Variants in CHRNE observed in about 807,000 individuals in gnomAD.
The protein encoded by CHRNE is acetylcholine receptor subunit epsilon.
In CHRNE, 58 loss-of-function variants were observed where a neutral mutation model predicts 56.5. The observed-to-expected ratio is 1.03, with a 90% CI of 0.83 to 1.28. The LOEUF (loss-of-function observed/expected upper bound fraction) is 1.28. Among genes scored for constraint, CHRNE ranks in the 50% most tolerant of loss-of-function variants. CHRNE has a pLI of 0.00. For missense variants in CHRNE, 793 were observed against 688.9 expected (o/e 1.15, Z -1.69); for synonymous variants, 385 against 297.9 (o/e 1.29, Z -3.01).
rs1157836847 is a variant in CHRNE, at chr17:4,898,839, C to T, written c.1379G>A (p.Trp460Ter). 6.3e-7 allele frequency: 1 copy of T among 1,596,094 alleles called. No individual in the cohort carries two copies. The highest frequency in any genetic ancestry group is 8.5e-7 in the Non-Finnish European group (1 of 1,172,208). Residue 460 changes from tryptophan (W) to a stop codon, truncating the protein, a stop_gained, in exon 12 of 12, where the codon TGG becomes TAG. Coordinates refer to ENST00000649488, the MANE Select transcript of CHRNE (RefSeq NM_000080.4). LOFTEE classifies it high-confidence loss of function. ...MGNALDNICF[W>*]AALVLFSVGS... Reference sequence around the variant, plus strand: ...CACGCTGAAGAGCACCAGAGCGGCCCAGAAGCAGATGTTGTCAAGGGCATT... The same window carrying T: ...CACGCTGAAGAGCACCAGAGCGGCCTAGAAGCAGATGTTGTCAAGGGCATT...
chr17:4,901,882 A>AT, intron 5 of CHRNE, 50 bp downstream of exon 5: 9 of 1,484,006 alleles, frequency 6.1e-6, no homozygotes, highest in South Asian at 1.1e-5. Flanking sequence ...CCGCCCCATA[A>AT]GGCCCCCCCC....
At chr17:4,905,315 G>A (rs1970077745), upstream of CHRNE, among the ~76,000 whole-genome samples, 3 of 152,306 alleles carry the variant, frequency 2.0e-5, no homozygotes, top group South Asian at 6.2e-4. Context: ...TTGGGAGGCT[G>A]AGGCTGGAGC....
In CHRNE at chr17:4,902,607, TG is replaced by T. The variant is rs35905809; in HGVS notation, c.189+13del. The stretch of plus-strand genomic sequence containing the variant: ...TGGGATTTTTGGCTTAAGATGAGGG[TG>T]GGGGTAGCTTACCAGTGAGATGAGA... On this transcript the variant is annotated intron_variant, in intron 2 of 11. Coordinates refer to ENST00000649488, the MANE Select transcript of CHRNE (RefSeq NM_000080.4). The surrounding 1 kb of genome is among the most constrained non-coding windows in gnomAD (Gnocchi z 4.0). 1.2e-6 allele frequency: 2 copies of T among 1,613,776 alleles called. No homozygotes were observed. The highest frequency in any genetic ancestry group is 1.7e-5 in the Admixed American group (1 of 59,972).
chr17:4,901,367 TAG>T, intron 6 of CHRNE, 156 bp downstream of exon 6: 1 of 931,770 alleles, frequency 1.1e-6, no homozygotes, highest in Non-Finnish European at 1.7e-6. Context: ...AAGGCAGGAC[TAG>T]AGTAACAATC....
chr17:4,908,491 C>T (rs911233356), intron 1 of CHRNE, among the ~76,000 whole-genome samples: 3 of 139,256 alleles, frequency 2.2e-5, no homozygotes, highest in African/African-American at 5.5e-5. Context: ...CCTGCCAGCG[C>T]TGGGAGCAAC....
At chr17:4,904,853 C>T (rs1436035367), upstream of CHRNE, among the ~76,000 whole-genome samples, 1 of 152,210 alleles carries the variant, frequency 6.6e-6, no homozygotes, top group African/African-American at 2.4e-5. Flanking sequence ...ATTTCCCACA[C>T]TTGTGTAAAG....
intron 10 of CHRNE, 33 bp downstream of exon 10, chr17:4,899,165 C>G: frequency 5.0e-6 from 8 of 1,591,824 alleles, no homozygotes; most frequent in Non-Finnish European, 6.8e-6. Context: ...AGGCACCCCG[C>G]GCGGCCCCCC....
chr17:4,908,098 C>A (rs1970113978), upstream of CHRNE, among the ~76,000 whole-genome samples: 1 of 152,030 alleles, frequency 6.6e-6, no homozygotes, highest in Admixed American at 6.6e-5. Context: ...TTGAACCAGG[C>A]AGTCAGAGGT....
At chr17:4,899,995 A>G (rs531185766) in intron 8 of CHRNE, 1 of 1,551,470 alleles carries the variant, frequency 6.4e-7, no homozygotes, top group African/African-American at 1.4e-5. Flanking sequence ...CAGCCCATGA[A>G]TATCTGGAGC....
Position 4,899,676 on chromosome 17 carries a change from G to A in CHRNE, c.918-94C>T, listed in dbSNP as rs1031418724. 13 of 1,441,538 alleles carry A rather than the reference G, an allele frequency of 9.0e-6. No individual in the cohort carries two copies. In the Admixed American group the frequency reaches 1.2e-4, roughly 13 times the overall value. The allele number at this position is 1,441,538 out of a possible 1,614,324, so 89.3% of individuals were successfully genotyped here. On this transcript the variant is annotated intron_variant, in intron 8 of 11. Coordinates refer to ENST00000649488, the MANE Select transcript of CHRNE (RefSeq NM_000080.4). ...TCACAAACACGGCTTCTCCTGGTAC[G>A]GGCTGGTTACGCCCTCCAGCTGCGC...
chr17:4,900,351 C>T (rs1969940290), intron 8 of CHRNE: 2 of 1,547,830 alleles, frequency 1.3e-6, no homozygotes, highest in Non-Finnish European at 1.7e-6. Flanking sequence ...AGCCGCAGGG[C>T]AGGGGGTTCG....
rs757908339 is a variant in CHRNE, at chr17:4,898,754, C to T, written c.1464G>A (p.Ala488=). The T allele has an allele frequency of 6.2e-7, 1 of 1,610,868 alleles. No homozygotes were observed. Among genetic ancestry groups the T allele is most frequent in the Non-Finnish European group, 8.5e-7 (1 of 1,178,994 alleles). The change falls in exon 12 of 12, where the codon GCG becomes GCA. Residue 488 remains alanine, a synonymous_variant. Coordinates refer to ENST00000649488, the MANE Select transcript of CHRNE (RefSeq NM_000080.4). ...GTGCGAGCTAAGGCTGGATACACGG[C>T]GCGTAGGGGAGATCAGGCACTCGGT... is the stretch of plus-strand genomic sequence containing the variant. ...YFNRVPDLPY[A]PCIQP is the part of the protein sequence containing the mutation.
rs764991750 is a variant in CHRNE, at chr17:4,899,392, A to AGGGGCGGGGCTTAG, written c.1033-22_1033-9dup. On this transcript the variant is annotated splice_polypyrimidine_tract_variant and intron_variant, in intron 9 of 11. Coordinates refer to ENST00000649488, the MANE Select transcript of CHRNE (RefSeq NM_000080.4). ...CAGCAGCTCCAGGAGAACCTGGGGC[A>AGGGGCGGGGCTTAG]GGGGCGGGGCTTAGGGGACGAGGTT... 267 of 1,534,798 alleles carry AGGGGCGGGGCTTAG rather than the reference A, an allele frequency of 1.7e-4. 2 individuals are homozygous for AGGGGCGGGGCTTAG. Among genetic ancestry groups the AGGGGCGGGGCTTAG allele is most frequent in the South Asian group, 3.6e-5 (3 of 83,718 alleles).
intron 6 of CHRNE, 78 bp from the exon 7 acceptor site, chr17:4,901,268 G>T: frequency 6.7e-7 from 1 of 1,499,858 alleles, no homozygotes; most frequent in Non-Finnish European, 9.1e-7. Flanking sequence ...AGAGGAGGCT[G>T]CGGCTGTCTG....
rs751436557 is a variant in CHRNE at position 4,902,283 on chromosome 17, C to G, written c.278G>C (p.Gly93Ala). 3 of 1,614,158 alleles carry G rather than the reference C, an allele frequency of 1.9e-6. No individual in the cohort carries two copies. Among genetic ancestry groups the G allele is most frequent in the Admixed American group, 1.7e-5 (1 of 60,026 alleles). The part of the protein sequence containing the change: ...YRLNYSKDDF[G>A]GIETLRVPSE... ...AGGGACTCGCAGGGTTTCTATACCCCCAAAGTCGTCCTTGCTGTAGTTGAG... is the reference window on the plus strand; with the variant it reads ...AGGGACTCGCAGGGTTTCTATACCCGCAAAGTCGTCCTTGCTGTAGTTGAG... The change falls in exon 4 of 12, where the codon GGG (glycine) becomes GCG (alanine). Residue 93 changes from glycine (G) to alanine (A), a missense_variant. Gly to Ala is a moderately conservative substitution (Grantham distance 60). Coordinates refer to ENST00000649488, the MANE Select transcript of CHRNE (RefSeq NM_000080.4). The surrounding 1 kb of genome is among the most constrained non-coding windows in gnomAD (Gnocchi z 4.0).
At chr17:4,900,068 G>A in intron 8 of CHRNE, 1 of 1,551,102 alleles carries the variant, frequency 6.4e-7, no homozygotes, top group Non-Finnish European at 8.7e-7. Flanking sequence ...GATGCTGCCT[G>A]CCCCGAAGCC....
rs1276426047 is a variant in CHRNE at position 4,902,232 on chromosome 17, A to G, written c.329T>C (p.Ile110Thr). 2.5e-6 allele frequency: 4 copies of G among 1,613,700 alleles called. No homozygotes were observed. In the African/African-American group the frequency reaches 5.3e-5, roughly 22 times the overall value. The part of the protein sequence containing the change: ...VPSELVWLPE[I>T]VLENNIDGQF... ...CGGTTCTCACTTGTTTTCCAGCACAATCTCTGGCAGCCACACGAGTTCTGA... is the reference window on the plus strand; with the variant it reads ...CGGTTCTCACTTGTTTTCCAGCACAGTCTCTGGCAGCCACACGAGTTCTGA... Residue 110 changes from isoleucine to threonine, a missense_variant, in exon 4 of 12, where the codon ATT becomes ACT. By Grantham distance (89) the Ile-to-Thr change is moderately conservative (BLOSUM62 -1). Coordinates refer to ENST00000649488, the MANE Select transcript of CHRNE (RefSeq NM_000080.4). The surrounding 1 kb of genome is among the most constrained non-coding windows in gnomAD (Gnocchi z 4.0).
At chr17:4,900,359 T>G (rs987905719) in intron 8 of CHRNE, 4 of 1,548,430 alleles carry the variant, frequency 2.6e-6, no homozygotes, top group Non-Finnish European at 3.5e-6. Flanking sequence ...GGCAGGGGGT[T>G]CGGCAAGCTG....
chr17:4,899,381 G>A lies in CHRNE; in HGVS notation c.1036C>T (p.Leu346Phe), dbSNP rs1471932042. The A allele has an allele frequency of 1.3e-6, 2 of 1,533,992 alleles. No homozygotes were observed. ...HAMSPRLRHV[L>F]LELLPRLLGS... is the part of the protein sequence containing the mutation. ...AGGAGGCGCGGCAGCAGCTCCAGGA[G>A]AACCTGGGGCAGGGGCGGGGCTTAG... Residue 346 changes from leucine (L) to phenylalanine (F), a missense_variant, in exon 10 of 12, where the codon CTC becomes TTC. By Grantham distance (22) the Leu-to-Phe change is conservative. Transcript: ENST00000649488.
Sources: gnomAD v4.1 joint callset for allele counts (sites outside exome capture counted in the v4.1 genomes callset) on GRCh38, gnomAD v4.1.1 for gene constraint, Gnocchi (gnomAD v3.1) non-coding constraint, MANE v1.5 for transcripts, NCBI Gene and HGNC (gene_info 2026-07-23, HGNC 2026-07-21) for gene names.